The following ST8SIA5 variants were observed in gnomAD, a reference collection of about 807,000 sequenced individuals.
The protein encoded by ST8SIA5 is alpha-2,8-sialyltransferase 8E.
A neutral mutation model predicts 40.2 loss-of-function variants in ST8SIA5; 24 were observed. That is an observed-to-expected ratio of 0.60 (90% CI 0.43 to 0.84). The LOEUF is 0.84. ST8SIA5 is among the 40% of genes least tolerant of loss of function. The pLI is 0.00. For missense variants in ST8SIA5, 465 were observed against 498.5 expected (o/e 0.93, Z 0.64); for synonymous variants, 198 against 201.8 (o/e 0.98, Z 0.16).
chr18:46,696,301 A>G (rs976386553), intron 2 of ST8SIA5, among the ~76,000 whole-genome samples: 8 of 152,062 alleles, frequency 5.3e-5, no homozygotes, highest in African/African-American at 7.2e-5. Flanking sequence ...ACCCTGGCTC[A>G]CCCACTGCCC....
intron 5 of ST8SIA5, 139 bp downstream of exon 5, chr18:46,686,035 G>C: frequency 1.3e-6 from 1 of 760,210 alleles, no homozygotes. Flanking sequence ...AGAGAAGAAG[G>C]GATATCCCAG....
intron 6 of ST8SIA5, among the ~76,000 whole-genome samples, chr18:46,680,856 A>ACGCCATTCACCTGTACTGTCATCCCTCT (rs1443636918): frequency 1.3e-5 from 2 of 152,222 alleles, no homozygotes; most frequent in Non-Finnish European, 2.9e-5. Flanking sequence ...TAGAGGCCTC[A>ACGCCATTCACCTGTACTGTCATCCCTCT]CGCCATTCAC....
chr18:46,694,485 T>A (rs1296632289), intron 2 of ST8SIA5, among the ~76,000 whole-genome samples: 3 of 152,206 alleles, frequency 2.0e-5, no homozygotes, highest in Non-Finnish European at 4.4e-5. Context: ...TTTCTCTCTC[T>A]TGATCATGCA....
intron 1 of ST8SIA5, among the ~76,000 whole-genome samples, chr18:46,706,374 C>T (rs571570164): frequency 6.6e-6 from 1 of 152,106 alleles, no homozygotes; most frequent in Non-Finnish European, 1.5e-5. Flanking sequence ...TCTTCAGTAC[C>T]CGGCTCGAGT....
At chr18:46,710,382 TC>T (rs2039713893) in intron 1 of ST8SIA5, among the ~76,000 whole-genome samples, 1 of 134,676 alleles carries the variant, frequency 7.4e-6, no homozygotes, top group Non-Finnish European at 1.6e-5. Context: ...TTTCTTTCTT[TC>T]TTTCTTTCTT....
chr18:46,705,633 C>T (rs1599117810), intron 1 of ST8SIA5, among the ~76,000 whole-genome samples: 1 of 152,252 alleles, frequency 6.6e-6, no homozygotes, highest in East Asian at 1.9e-4. Flanking sequence ...GCCCTCTGGC[C>T]TCCTGTGGCA....
chr18:46,718,067 G>C (rs1013150223), intron 1 of ST8SIA5, among the ~76,000 whole-genome samples: 1 of 152,084 alleles, frequency 6.6e-6, no homozygotes, highest in African/African-American at 2.4e-5. Flanking sequence ...TGTGGCTCAC[G>C]CCTGTAATCC....
At position 46,675,895 on chromosome 18, in the gene ST8SIA5, A is replaced by T. The variant is rs558065311; in HGVS notation, c.*4147T>A. ...CAAAACCCCGTTTCTACAAAAAAAA[A>T]AAAATTTTCAAATTAGCTGGGAGCA... On this transcript the variant is annotated 3_prime_UTR_variant, in exon 7 of 7. Coordinates refer to ENST00000315087, the MANE Select transcript of ST8SIA5 (RefSeq NM_013305.6). 1 of 152,106 alleles carries T rather than the reference A, an allele frequency of 6.6e-6. No individual in the cohort carries two copies. Among genetic ancestry groups the T allele is most frequent in the South Asian group, 2.1e-4 (1 of 4,804 alleles). 9.4% of individuals were successfully genotyped at this position (152,106 alleles called of 1,614,324 possible).
intron 1 of ST8SIA5, among the ~76,000 whole-genome samples, chr18:46,726,591 T>A (rs2039932312): frequency 7.1e-6 from 1 of 139,972 alleles, no homozygotes; most frequent in Admixed American, 7.3e-5. Flanking sequence ...TATTCTTTTG[T>A]AGTCTATAAT....
chr18:46,707,049 G>T (rs776212690), intron 1 of ST8SIA5, among the ~76,000 whole-genome samples: 6 of 152,162 alleles, frequency 3.9e-5, no homozygotes, highest in Non-Finnish European at 8.8e-5. Flanking sequence ...AGAACAAGGG[G>T]TCAGCCTAGG....
intron 2 of ST8SIA5, among the ~76,000 whole-genome samples, chr18:46,694,915 T>C (rs608127): frequency 0.64 from 96,626 of 151,674 alleles, 31,868 homozygotes; most frequent in East Asian, 0.82. Flanking sequence ...TCCCAGCACT[T>C]TGGGAGGCCG....
chr18:46,711,695 A>C (rs1396295406), intron 1 of ST8SIA5, among the ~76,000 whole-genome samples: 1 of 152,238 alleles, frequency 6.6e-6, no homozygotes, highest in Non-Finnish European at 1.5e-5. Flanking sequence ...AAAGGACTGA[A>C]GTGTCTTCCC....
chr18:46,719,018 A>G (rs4270264), intron 1 of ST8SIA5, among the ~76,000 whole-genome samples: 35,266 of 152,118 alleles, frequency 0.23, 4,899 homozygotes, highest in East Asian at 0.71. Context: ...TATTTCCCAC[A>G]TGTGGGGACT....
chr18:46,722,550 A>T (rs958067972), intron 1 of ST8SIA5, among the ~76,000 whole-genome samples: 1 of 152,210 alleles, frequency 6.6e-6, no homozygotes, highest in African/African-American at 2.4e-5. Flanking sequence ...ACAGATATGG[A>T]GGAAAGGGTT....
rs189426238 is a variant in ST8SIA5 at position 46,728,177 on chromosome 18, G to C, written c.132-23513C>G. ...ACCACTGCACTCCAGCCTGGTGATA[G>C]AGCGAGACTCCATCTCAAAAAAAAA... On this transcript the variant is annotated intron_variant, in intron 1 of 6. Coordinates refer to ENST00000315087, the MANE Select transcript of ST8SIA5 (RefSeq NM_013305.6). 2.1e-3 allele frequency among the ~76,000 whole-genome samples: 307 copies of C among 149,308 alleles called. 2 individuals are homozygous for C. The highest frequency in any genetic ancestry group is 7.2e-3 in the African/African-American group (293 of 40,468).
intron 4 of ST8SIA5, 47 bp downstream of exon 4, chr18:46,688,728 G>T: frequency 1.3e-6 from 2 of 1,578,008 alleles, no homozygotes. Flanking sequence ...GCTACTGCTG[G>T]ATTGGCTCCC....
chr18:46,697,402 G>C (rs1354812626), intron 2 of ST8SIA5, among the ~76,000 whole-genome samples: 1 of 152,140 alleles, frequency 6.6e-6, no homozygotes. Context: ...CTCTTGTGGG[G>C]GAGGGGTTCA....
At chr18:46,686,378 G>C in intron 4 of ST8SIA5, 92 bp from the exon 5 acceptor site, 1 of 1,017,690 alleles carries the variant, frequency 9.8e-7, no homozygotes, top group Non-Finnish European at 1.5e-6. Flanking sequence ...ACCTATATTA[G>C]CTCCTGGTCC....
At position 46,671,742 on chromosome 18, in the gene ST8SIA5, T is replaced by C. The variant is rs1599090924; in HGVS notation, c.*8300A>G. The C allele has an allele frequency of 6.6e-6, 1 of 152,200 alleles. No individual in the cohort carries two copies. Among genetic ancestry groups the C allele is most frequent in the Non-Finnish European group, 1.5e-5 (1 of 68,036 alleles). The allele number at this position is 152,200 out of a possible 1,614,324, so 9.4% of individuals were successfully genotyped here. Reference sequence around the variant, plus strand: ...GTTACTTTGCTTTAAAAATATGTCATAATATTTATCTGAATGCTAAAATGT... The same window carrying C: ...GTTACTTTGCTTTAAAAATATGTCACAATATTTATCTGAATGCTAAAATGT... On this transcript the variant is annotated 3_prime_UTR_variant, in exon 7 of 7. Transcript: ENST00000315087.
Sources: gnomAD v4.1 joint callset for allele counts (sites outside exome capture counted in the v4.1 genomes callset) on GRCh38, gnomAD v4.1.1 for gene constraint, MANE v1.5 for transcripts, NCBI Gene and HGNC (gene_info 2026-07-23, HGNC 2026-07-21) for gene names.